The following KIF16B variants were observed in gnomAD, a reference collection of about 807,000 sequenced individuals.
KIF16B encodes kinesin family member 16B.
A neutral mutation model predicts 156.3 loss-of-function variants in KIF16B; 98 were observed. The observed-to-expected ratio is 0.63, with a 90% confidence interval of 0.53 to 0.74. KIF16B has a LOEUF of 0.74. Among genes scored for constraint, KIF16B ranks in the 30% least tolerant of loss-of-function variants. KIF16B has a pLI of 0.00. For missense variants in KIF16B, 1,421 were observed against 1,606.5 expected (o/e 0.88, Z 1.97); for synonymous variants, 564 against 583.7 (o/e 0.97, Z 0.49).
At chr20:16,291,597 G>A (rs774652344) in intron 25 of KIF16B, among the ~76,000 whole-genome samples, 1 of 152,152 alleles carries the variant, frequency 6.6e-6, no homozygotes, top group Non-Finnish European at 1.5e-5. Flanking sequence ...GGGAAATCTC[G>A]TCATCTAGGG....
intron 15 of KIF16B, among the ~76,000 whole-genome samples, chr20:16,417,655 G>A (rs529165838): frequency 3.8e-4 from 58 of 151,850 alleles, no homozygotes; most frequent in Non-Finnish European, 5.9e-4. Flanking sequence ...TGAAATAAGT[G>A]GAAAAATAAA....
intron 22 of KIF16B, chr20:16,367,735 A>T: frequency 6.2e-7 from 1 of 1,612,504 alleles, no homozygotes; most frequent in Non-Finnish European, 8.5e-7. Context: ...ATCAAGAGAA[A>T]GCTGAACCAG....
chr20:16,551,675 AT>A (rs2070671371), intron 1 of KIF16B, among the ~76,000 whole-genome samples: 1 of 152,242 alleles, frequency 6.6e-6, no homozygotes, highest in Admixed American at 6.5e-5. Context: ...GCAGACAGAA[AT>A]GAAAGAAATA....
intron 15 of KIF16B, among the ~76,000 whole-genome samples, chr20:16,424,342 C>T (rs747868293): frequency 3.9e-5 from 6 of 152,088 alleles, no homozygotes; most frequent in East Asian, 1.9e-4. Context: ...GCGTCTTTGA[C>T]GGACATTATG....
intron 12 of KIF16B, among the ~76,000 whole-genome samples, chr20:16,470,797 T>C (rs539322209): frequency 6.6e-6 from 1 of 151,854 alleles, no homozygotes; most frequent in East Asian, 1.9e-4. Flanking sequence ...GCACATGGCC[T>C]CAGCTCACTT....
chr20:16,515,682 CA>C lies in KIF16B; in HGVS notation c.232-19del. The stretch of plus-strand genomic sequence containing the variant: ...TTGAAAACCTGAAAGCCAAAAAGAA[CA>C]CACAAAAGATACAATTATCATAGAT... On this transcript the variant is annotated intron_variant, in intron 3 of 25. Transcript: ENST00000354981. 3 of 1,328,578 alleles carry C rather than the reference CA, an allele frequency of 2.3e-6. No individual in the cohort carries two copies. Among genetic ancestry groups the C allele is most frequent in the Non-Finnish European group, 3.2e-6 (3 of 924,010 alleles). 82.3% of individuals were successfully genotyped at this position (1,328,578 alleles called of 1,614,324 possible). A position where few individuals can be genotyped will look rare whatever the true frequency, so the allele number is the denominator to read the frequency against.
At chr20:16,477,420 T>G (rs1039225552) in intron 12 of KIF16B, among the ~76,000 whole-genome samples, 4 of 152,178 alleles carry the variant, frequency 2.6e-5, no homozygotes, top group Admixed American at 2.6e-4. Flanking sequence ...AGGTTTGCAT[T>G]GAAATCGGCA....
At chr20:16,414,165 C>T (rs2066028852) in intron 15 of KIF16B, among the ~76,000 whole-genome samples, 1 of 151,954 alleles carries the variant, frequency 6.6e-6, no homozygotes, top group Admixed American at 6.6e-5. Context: ...AATTATAGTA[C>T]TTTTTCTCTA....
At chr20:16,406,585 G>T (rs2065792717) in intron 15 of KIF16B, 129 bp from the exon 16 acceptor site, 1 of 811,100 alleles carries the variant, frequency 1.2e-6, no homozygotes, top group South Asian at 1.7e-5. Context: ...GAAAGCTTTA[G>T]TCTCAAAAGT....
chr20:16,297,096 C>G (rs1436895773), intron 25 of KIF16B, among the ~76,000 whole-genome samples: 1 of 152,236 alleles, frequency 6.6e-6, no homozygotes, highest in African/African-American at 2.4e-5. Flanking sequence ...ACGGTCATCT[C>G]TCCTGGTTCT....
chr20:16,361,156 A>T (rs1023235369), intron 22 of KIF16B, among the ~76,000 whole-genome samples: 1 of 152,196 alleles, frequency 6.6e-6, no homozygotes, highest in African/African-American at 2.4e-5. Context: ...ACCATAGCAC[A>T]TATTTCTAAT....
chr20:16,376,163 T>C (rs921064271), intron 19 of KIF16B, among the ~76,000 whole-genome samples: 16 of 152,190 alleles, frequency 1.1e-4, no homozygotes, highest in Admixed American at 9.8e-4. Flanking sequence ...TCATGACTAT[T>C]ATCATCGTCA....
intron 25 of KIF16B, among the ~76,000 whole-genome samples, chr20:16,293,197 C>G (rs1240670891): frequency 6.6e-6 from 1 of 152,142 alleles, no homozygotes; most frequent in African/African-American, 2.4e-5. Context: ...CGATAGAACC[C>G]ATGGGTCAGA....
At chr20:16,447,849 T>C (rs2066975847) in intron 12 of KIF16B, among the ~76,000 whole-genome samples, 1 of 152,196 alleles carries the variant, frequency 6.6e-6, no homozygotes, top group Non-Finnish European at 1.5e-5. Flanking sequence ...TAGGCACCTG[T>C]TGTCACAGCT....
At chr20:16,460,986 TA>T (rs2067332050) in intron 12 of KIF16B, among the ~76,000 whole-genome samples, 1 of 152,108 alleles carries the variant, frequency 6.6e-6, no homozygotes. Context: ...ATAAAATGTG[TA>T]AGATGCTGCC....
chr20:16,495,827 A>T (rs1458905413), intron 11 of KIF16B, among the ~76,000 whole-genome samples: 1 of 152,012 alleles, frequency 6.6e-6, no homozygotes, highest in African/African-American at 2.4e-5. Flanking sequence ...GGTAGCTGGG[A>T]CTACAGGTGC....
At chr20:16,433,596 C>T (rs1043081961) in intron 12 of KIF16B, among the ~76,000 whole-genome samples, 1 of 151,748 alleles carries the variant, frequency 6.6e-6, no homozygotes, top group Non-Finnish European at 1.5e-5. Context: ...CACACACACA[C>T]ACAGAGACAC....
intron 1 of KIF16B, among the ~76,000 whole-genome samples, chr20:16,535,892 G>A (rs2147198075): frequency 6.6e-6 from 1 of 152,294 alleles, no homozygotes; most frequent in South Asian, 2.1e-4. Context: ...TACACTGTTG[G>A]TGGGAATCTA....
At chr20:16,535,331 G>C (rs2069917301) in intron 1 of KIF16B, among the ~76,000 whole-genome samples, 2 of 152,046 alleles carry the variant, frequency 1.3e-5, no homozygotes, top group African/African-American at 4.8e-5. Context: ...ATTGACTTTT[G>C]TATGTTGATT....
Sources: allele counts gnomAD v4.1 joint callset (sites outside exome capture counted in the v4.1 genomes callset), GRCh38; gene constraint gnomAD v4.1.1; transcripts MANE v1.5; gene names NCBI Gene and HGNC (gene_info 2026-07-23, HGNC 2026-07-21).